SOX5: variants seen among roughly 807,000 people sequenced by gnomAD.
SOX5 encodes the protein SRY-box transcription factor 5.
Under a neutral mutation model 92.0 loss-of-function variants are expected in SOX5, and 9 were observed. That is an observed-to-expected ratio of 0.10 (90% CI 0.06 to 0.17). The LOEUF is 0.17. Among genes scored for constraint, SOX5 ranks in the 10% least tolerant of loss-of-function variants. The probability of loss-of-function intolerance (pLI) is 1.00; values close to 1 mark genes in which losing one functional copy is unlikely to be tolerated. For missense variants in SOX5, 642 were observed against 944.5 expected, an observed-to-expected ratio of 0.68 and a Z score of 4.20; for synonymous variants, 344 against 336.3, an observed-to-expected ratio of 1.02 and a Z score of -0.25.
At chr12:24,551,850 T>C (rs1194038579) in intron 1 of SOX5, among the ~76,000 whole-genome samples, 3 of 152,226 alleles carry the variant, frequency 2.0e-5, no homozygotes, top group Non-Finnish European at 4.4e-5. Context: ...ATAATCAAAC[T>C]CTTCTAGTCT....
chr12:24,136,794 T>C (rs1950147413), intron 4 of SOX5, among the ~76,000 whole-genome samples: 2 of 152,266 alleles, frequency 1.3e-5, no homozygotes, highest in Admixed American at 1.3e-4. Context: ...CTCCAAAAGT[T>C]GAATTTAGTT....
intron 4 of SOX5, among the ~76,000 whole-genome samples, chr12:24,082,404 G>GAAAAAAAAAA (rs58736325): frequency 6.8e-5 from 5 of 73,386 alleles, no homozygotes; most frequent in African/African-American, 1.1e-4. Flanking sequence ...CTTTCGAAAA[G>GAAAAAAAAAA]AAAAAAAAAA....
intron 3 of SOX5, among the ~76,000 whole-genome samples, chr12:24,239,437 T>C (rs993791106): frequency 6.6e-6 from 1 of 152,072 alleles, no homozygotes; most frequent in Admixed American, 6.6e-5. Flanking sequence ...TATTCCGATA[T>C]TTTTTTCCCC....
At chr12:23,874,399 G>A (rs944052607) in intron 2 of SOX5, among the ~76,000 whole-genome samples, 2 of 152,094 alleles carry the variant, frequency 1.3e-5, no homozygotes, top group Non-Finnish European at 2.9e-5. Context: ...CGCACCATAC[G>A]CAGACCACCG....
intron 2 of SOX5, among the ~76,000 whole-genome samples, chr12:23,881,521 T>A (rs1310635607): frequency 4.6e-5 from 7 of 152,224 alleles, no homozygotes; most frequent in Admixed American, 2.6e-4. Context: ...GGGACTTAGA[T>A]AATCCATTGA....
At chr12:23,642,180 C>T (rs150093956) in intron 7 of SOX5, among the ~76,000 whole-genome samples, 1,632 of 152,026 alleles carry the variant, frequency 0.011, 22 homozygotes, top group South Asian at 0.017. Flanking sequence ...TGTTTGTGTG[C>T]GTGTCTGAGC....
chr12:23,744,295 A>G (rs1429298785), intron 4 of SOX5, among the ~76,000 whole-genome samples: 1 of 152,186 alleles, frequency 6.6e-6, no homozygotes, highest in Non-Finnish European at 1.5e-5. Flanking sequence ...GAGTTCTAAA[A>G]TACATAGTTT....
intron 3 of SOX5, among the ~76,000 whole-genome samples, chr12:23,769,887 T>C (rs1343959893): frequency 6.6e-6 from 1 of 152,144 alleles, no homozygotes; most frequent in African/African-American, 2.4e-5. Context: ...AGCTTGATTA[T>C]AATCAATTTT....
intron 5 of SOX5, among the ~76,000 whole-genome samples, chr12:23,737,085 G>A (rs2093628656): frequency 6.6e-6 from 1 of 151,866 alleles, no homozygotes; most frequent in African/African-American, 2.4e-5. Flanking sequence ...CTCCCACATA[G>A]CAATATTTCA....
intron 2 of SOX5, among the ~76,000 whole-genome samples, chr12:24,318,144 G>A (rs567200457): frequency 5.1e-4 from 78 of 152,292 alleles, no homozygotes; most frequent in African/African-American, 1.8e-3. Context: ...GGGAGGCAGA[G>A]ATTGCAGTGA....
chr12:24,346,891 T>G (rs904545610), intron 2 of SOX5, among the ~76,000 whole-genome samples: 5 of 147,978 alleles, frequency 3.4e-5, no homozygotes, highest in South Asian at 2.2e-4. Context: ...GGTGGGGGGA[T>G]GGGGGAGGGA....
intron 7 of SOX5, among the ~76,000 whole-genome samples, chr12:23,649,725 G>C (rs968410679): frequency 6.6e-6 from 1 of 152,024 alleles, no homozygotes; most frequent in Non-Finnish European, 1.5e-5. Context: ...CTCTTTAAAA[G>C]CATTCAATTG....
intron 4 of SOX5, among the ~76,000 whole-genome samples, chr12:24,001,349 C>T (rs1325890775): frequency 5.9e-5 from 9 of 152,026 alleles, no homozygotes; most frequent in Non-Finnish European, 1.2e-4. Context: ...ACCTTGGCCT[C>T]CCAAAGTGCT....
At chr12:24,303,828 AG>A (rs1948268656) in intron 2 of SOX5, among the ~76,000 whole-genome samples, 2 of 152,210 alleles carry the variant, frequency 1.3e-5, no homozygotes, top group South Asian at 4.1e-4. Flanking sequence ...GGGGAGAGAG[AG>A]GGGGAGGCAC....
At chr12:23,860,592 C>CT (rs2096743915) in intron 2 of SOX5, among the ~76,000 whole-genome samples, 1 of 152,122 alleles carries the variant, frequency 6.6e-6, no homozygotes, top group Admixed American at 6.6e-5. Context: ...GACCCCAGGA[C>CT]TTTAAGAGAT....
chr12:23,774,177 C>T (rs1447539061), intron 3 of SOX5, among the ~76,000 whole-genome samples: 2 of 152,040 alleles, frequency 1.3e-5, no homozygotes, highest in East Asian at 1.9e-4. Flanking sequence ...CTTTTACTGC[C>T]GTTATAAATA....
chr12:23,548,233 AAAAG>A (rs1348648610), intron 11 of SOX5, among the ~76,000 whole-genome samples: 2 of 152,056 alleles, frequency 1.3e-5, no homozygotes, highest in African/African-American at 4.8e-5. Context: ...TCAAAGTAGA[AAAAG>A]AACGACACGT....
intron 1 of SOX5, among the ~76,000 whole-genome samples, chr12:24,537,768 T>G (rs146345428): frequency 1.7e-4 from 26 of 152,328 alleles, no homozygotes; most frequent in African/African-American, 6.3e-4. Flanking sequence ...TGACAAGGCA[T>G]TTTCTCGAAA....
intron 4 of SOX5, among the ~76,000 whole-genome samples, chr12:23,750,853 C>T (rs548785509): frequency 6.6e-6 from 1 of 151,952 alleles, no homozygotes; most frequent in East Asian, 1.9e-4. Flanking sequence ...GATACAGTGA[C>T]CTATCCTTTT....
Sources: allele counts gnomAD v4.1 joint callset (sites outside exome capture counted in the v4.1 genomes callset), GRCh38; gene constraint gnomAD v4.1.1; transcripts MANE v1.5; gene names NCBI Gene and HGNC (gene_info 2026-07-23, HGNC 2026-07-21).